Variants in CUX2 observed in about 807,000 individuals in gnomAD.
CUX2 encodes cut like homeobox 2.
In CUX2, 40 loss-of-function variants were observed where a neutral mutation model predicts 144.8. The ratio of observed to expected loss-of-function variants is 0.28; its 90% CI spans 0.21 to 0.36. The LOEUF (loss-of-function observed/expected upper bound fraction) is 0.36. CUX2 is among the 10% of genes least tolerant of loss of function. The pLI, the probability that CUX2 is intolerant of heterozygous loss-of-function variation, is 1.00. For synonymous variants in CUX2, 827 were observed against 875.6 expected (o/e 0.94, Z 0.98); for missense variants, 1,615 against 1,994.0 (o/e 0.81, Z 3.62).
At chr12:111,168,735 C>T (rs1878316829) in intron 1 of CUX2, among the ~76,000 whole-genome samples, 1 of 152,226 alleles carries the variant, frequency 6.6e-6, no homozygotes, top group African/African-American at 2.4e-5. Flanking sequence ...AAGACTCCTG[C>T]ATTGTATTAG....
At chr12:111,253,901 T>C (rs1379100535) in intron 3 of CUX2, among the ~76,000 whole-genome samples, 5 of 152,084 alleles carry the variant, frequency 3.3e-5, no homozygotes, top group African/African-American at 1.2e-4. Flanking sequence ...TTTTGTTTTG[T>C]TTTTGTTTAG....
At chr12:111,202,696 G>T (rs1471640845) in intron 1 of CUX2, among the ~76,000 whole-genome samples, 1 of 152,204 alleles carries the variant, frequency 6.6e-6, no homozygotes, top group Non-Finnish European at 1.5e-5. Context: ...CAGGAGGCGG[G>T]CAGGGAAAGC....
At chr12:111,284,628 AG>A (rs1417667526) in intron 4 of CUX2, among the ~76,000 whole-genome samples, 2 of 152,194 alleles carry the variant, frequency 1.3e-5, no homozygotes, top group African/African-American at 4.8e-5. Context: ...TGAAGCTTAA[AG>A]GGCTGAAATG....
rs1360605882 is a variant in CUX2, at chr12:111,061,370, G to T, written c.63+27130G>T. 2.6e-5 allele frequency among the ~76,000 whole-genome samples: 4 copies of T among 152,180 alleles called. No homozygotes were observed. Among genetic ancestry groups the T allele is most frequent in the African/African-American group, 7.2e-5 (3 of 41,444 alleles). ...CCACTGAGGAAAGCTTTTCGGGATG[G>T]GGGAGGAGGAGGGAAGCATGGGCTG... is the stretch of plus-strand genomic sequence containing the variant. On this transcript the variant is annotated intron_variant, in intron 1 of 21. Transcript: ENST00000261726. This position sits in a 1 kb window ranked among gnomAD's most constrained non-coding sequence, Gnocchi z 4.2.
chr12:111,237,516 T>A (rs1430573847), intron 3 of CUX2, among the ~76,000 whole-genome samples: 1 of 152,200 alleles, frequency 6.6e-6, no homozygotes, highest in Non-Finnish European at 1.5e-5. Context: ...GCTGTCCACG[T>A]CCCTGTCTCT....
At chr12:111,044,740 C>T (rs1869916075) in intron 1 of CUX2, among the ~76,000 whole-genome samples, 1 of 152,200 alleles carries the variant, frequency 6.6e-6, no homozygotes, top group Non-Finnish European at 1.5e-5. Context: ...GCTGAATCCA[C>T]AGGAGGGATG....
chr12:111,135,847 T>C (rs1875848053), intron 1 of CUX2, among the ~76,000 whole-genome samples: 1 of 152,224 alleles, frequency 6.6e-6, no homozygotes, highest in Non-Finnish European at 1.5e-5. Flanking sequence ...GGGAAACAGA[T>C]ACTTGCTGGG....
At chr12:111,281,256 T>A (rs6490042) in intron 4 of CUX2, among the ~76,000 whole-genome samples, 63,161 of 151,852 alleles carry the variant, frequency 0.42, 17,646 homozygotes, top group African/African-American at 0.78. Flanking sequence ...ACCTGGTGTC[T>A]TGTCCTCAGA....
At chr12:111,291,314 G>A (rs1418810035) in intron 4 of CUX2, 104 bp from the exon 5 acceptor site, 1 of 1,386,244 alleles carries the variant, frequency 7.2e-7, no homozygotes, top group Non-Finnish European at 9.6e-7. Flanking sequence ...AGCCAGCGGG[G>A]TGACTCCGAT....
chr12:111,322,355 G>A lies in CUX2; in HGVS notation c.2767-66G>A. ...AAAAAAAAAAAAAAAGGTTGGGGAG[G>A]AGAGTGAGGGCCAGGCCCATGTCCC... On this transcript the variant is annotated intron_variant, in intron 17 of 21. Transcript: ENST00000261726. The surrounding 1 kb of genome is among the most constrained non-coding windows in gnomAD (Gnocchi z 4.2). 7.4e-7 allele frequency: 1 copy of A among 1,358,162 alleles called. No homozygotes were observed. Among genetic ancestry groups the A allele is most frequent in the Non-Finnish European group, 9.8e-7 (1 of 1,021,156 alleles). 84.1% of individuals were successfully genotyped at this position (1,358,162 alleles called of 1,614,324 possible).
rs548397283 is a variant in CUX2 at position 111,295,765 on chromosome 12, A to AATTAATTAATTAATTAATTAATTT, written c.637+371_637+372insAATTAATTTATTAATTAATTAATT. Among the ~76,000 whole-genome samples, 1 of 151,360 alleles carries AATTAATTAATTAATTAATTAATTT rather than the reference A, an allele frequency of 6.6e-6. No individual in the cohort carries two copies. Among genetic ancestry groups the AATTAATTAATTAATTAATTAATTT allele is most frequent in the East Asian group, 2.0e-4 (1 of 5,028 alleles). ...AGACCCTGTCTCTAATTAATTAATT[A>AATTAATTAATTAATTAATTAATTT]ATTAATTAATTAATTTAATACAACC... is the stretch of plus-strand genomic sequence containing the variant. On this transcript the variant is annotated intron_variant, in intron 7 of 21. Coordinates refer to ENST00000261726, the MANE Select transcript of CUX2 (RefSeq NM_015267.4). This position sits in a 1 kb window ranked among gnomAD's most constrained non-coding sequence, Gnocchi z 5.0.
At chr12:111,243,761 G>A (rs1240427850) in intron 3 of CUX2, among the ~76,000 whole-genome samples, 2 of 151,992 alleles carry the variant, frequency 1.3e-5, no homozygotes, top group African/African-American at 4.8e-5. Flanking sequence ...TTTAAAACTG[G>A]GAAGGTCTTG....
chr12:111,188,047 G>T (rs1006887953), intron 1 of CUX2, among the ~76,000 whole-genome samples: 2 of 152,278 alleles, frequency 1.3e-5, no homozygotes, highest in Non-Finnish European at 2.9e-5. Context: ...TGGCCAGGCT[G>T]TGTGGCATAG....
At chr12:111,336,146 C>T (rs1024696624) in intron 19 of CUX2, among the ~76,000 whole-genome samples, 4 of 152,164 alleles carry the variant, frequency 2.6e-5, no homozygotes, top group Admixed American at 6.5e-5. Flanking sequence ...CAGCTCAGTC[C>T]TCACCCGGTG....
intron 3 of CUX2, among the ~76,000 whole-genome samples, chr12:111,238,409 A>C (rs1426345958): frequency 6.6e-6 from 1 of 152,192 alleles, no homozygotes; most frequent in Non-Finnish European, 1.5e-5. Flanking sequence ...TATGTTCCAG[A>C]CAACACTCTA....
At chr12:111,326,192 G>A (rs191691251) in intron 18 of CUX2, among the ~76,000 whole-genome samples, 6 of 22,138 alleles carry the variant, frequency 2.7e-4, no homozygotes, top group African/African-American at 1.2e-3. Flanking sequence ...GGGTGGGTTT[G>A]TTTATAGTGT....
chr12:111,293,572 G>A lies in CUX2; in HGVS notation c.560+3G>A, dbSNP rs371759572. The A allele has an allele frequency of 4.8e-4, 752 of 1,572,452 alleles. 8 individuals carry two copies. The South Asian group carries it at 8.3e-3, about 17-fold the overall frequency. On this transcript the variant is annotated splice_donor_region_variant and intron_variant, in intron 6 of 21. Transcript: ENST00000261726. The surrounding 1 kb of genome is among the most constrained non-coding windows in gnomAD (Gnocchi z 4.5). The stretch of plus-strand genomic sequence containing the variant: ...AGAAATGAGGCGGAAAAACAAAAGT[G>A]AGGAAGGGAAGGTGGGTGGGAGGGA...
At position 111,143,414 on chromosome 12, in the gene CUX2, C is replaced by T. The variant is rs765857061; in HGVS notation, c.64-70786C>T. 4.6e-5 allele frequency among the ~76,000 whole-genome samples: 7 copies of T among 152,174 alleles called. No homozygotes were observed. In the South Asian group the frequency reaches 1.2e-3, roughly 27 times the overall value. On this transcript the variant is annotated intron_variant, in intron 1 of 21. Transcript: ENST00000261726. Reference sequence around the variant, plus strand: ...GAGCCCTGTCATTCGCACCAGGCGTCGTCCACGTTGTCATGGCTACACAGG... The same window carrying T: ...GAGCCCTGTCATTCGCACCAGGCGTTGTCCACGTTGTCATGGCTACACAGG...
intron 1 of CUX2, among the ~76,000 whole-genome samples, chr12:111,172,801 G>A (rs915027152): frequency 5.9e-5 from 9 of 152,320 alleles, no homozygotes; most frequent in Middle Eastern, 6.8e-3. Context: ...AACTGATATC[G>A]TTTGGAAAAC....
Sources: allele counts gnomAD v4.1 joint callset (sites outside exome capture counted in the v4.1 genomes callset), GRCh38; gene constraint gnomAD v4.1.1; non-coding constraint Gnocchi (gnomAD v3.1); transcripts MANE v1.5; gene names NCBI Gene and HGNC (gene_info 2026-07-23, HGNC 2026-07-21).